LRRC37A2: variants seen among roughly 807,000 people sequenced by gnomAD.
LRRC37A2 encodes leucine rich repeat containing 37 member A2.
In LRRC37A2, 9 loss-of-function variants were observed where a neutral mutation model predicts 68.8. The ratio of observed to expected loss-of-function variants is 0.13; its 90% CI spans 0.08 to 0.23. The LOEUF (loss-of-function observed/expected upper bound fraction) is 0.23, where lower values mean the gene tolerates loss of function less well. LRRC37A2 is among the 10% of genes least tolerant of loss of function. The pLI is 1.00. For synonymous variants in LRRC37A2, 63 were observed against 367.6 expected (o/e 0.17, Z 9.48); for missense variants, 168 against 950.4 (o/e 0.18, Z 10.82).
chr17:47,002,757 C>G, the LRRC37A2 span, among the ~76,000 whole-genome samples: 1 of 151,900 alleles, frequency 6.6e-6, no homozygotes, highest in African/African-American at 2.4e-5. Flanking sequence ...CTCTCTAACA[C>G]TAGGTCTTAT....
At chr17:46,699,108 TATTGGTGTTATTTTGCTTC>T in the LRRC37A2 span, among the ~76,000 whole-genome samples, 1 of 55,452 alleles carries the variant, frequency 1.8e-5, no homozygotes, top group Non-Finnish European at 3.9e-5. Flanking sequence ...AAAAATCCAT[TATTGGTGTTATTTTGCTTC>T]CTTTTCAAAA....
At chr17:46,805,001 G>T in the LRRC37A2 span, among the ~76,000 whole-genome samples, 1 of 143,738 alleles carries the variant, frequency 7.0e-6, no homozygotes, top group African/African-American at 2.6e-5. Context: ...TTGCTCTTCA[G>T]GATAACTCTT....
the LRRC37A2 span, among the ~76,000 whole-genome samples, chr17:47,022,166 C>CTT: frequency 4.6e-3 from 73 of 15,848 alleles, 11 homozygotes; most frequent in East Asian, 0.017. Flanking sequence ...CCTTTTTGTT[C>CTT]TCTTTTTTTT....
chr17:46,785,946 G>A, the LRRC37A2 span, among the ~76,000 whole-genome samples: 2 of 152,230 alleles, frequency 1.3e-5, no homozygotes, highest in Non-Finnish European at 2.9e-5. Context: ...TGCGGCTCTG[G>A]CTGATCTGAT....
chr17:46,729,071 A>G, the LRRC37A2 span: 8 of 562,694 alleles, frequency 1.4e-5, no homozygotes, highest in Non-Finnish European at 2.1e-5. Flanking sequence ...AAGGTCGTCC[A>G]GTCTTGACTT....
At chr17:46,920,201 G>A in the LRRC37A2 span, among the ~76,000 whole-genome samples, 1 of 152,124 alleles carries the variant, frequency 6.6e-6, no homozygotes, top group South Asian at 2.1e-4. Flanking sequence ...ATTCTTGAAG[G>A]TCTTATTCAT....
At chr17:46,762,982 G>A in the LRRC37A2 span, 10 of 152,206 alleles carry the variant, frequency 6.6e-5, no homozygotes, top group Admixed American at 6.5e-4. Context: ...TTCAGTCTAA[G>A]GTGAGATGGG....
chr17:46,917,294 A>AG, the LRRC37A2 span: 1 of 152,240 alleles, frequency 6.6e-6, no homozygotes, highest in African/African-American at 2.4e-5. Context: ...AAAACAAGTT[A>AG]TCTTTTTCCA....
the LRRC37A2 span, chr17:46,872,399 G>A: frequency 7.4e-7 from 1 of 1,360,164 alleles, no homozygotes; most frequent in Non-Finnish European, 9.5e-7. Context: ...ACCTCCAGCG[G>A]GTCAGCCTGC....
chr17:46,760,776 C>T, the LRRC37A2 span, among the ~76,000 whole-genome samples: 34 of 152,106 alleles, frequency 2.2e-4, no homozygotes, highest in South Asian at 1.4e-3. Flanking sequence ...CAGGATGCCA[C>T]AAGTGGAAAA....
chr17:46,783,281 C>T, the LRRC37A2 span, among the ~76,000 whole-genome samples: 3 of 152,316 alleles, frequency 2.0e-5, no homozygotes, highest in South Asian at 6.2e-4. Flanking sequence ...TGATTTAGCC[C>T]CAGCTGTCAA....
the LRRC37A2 span, among the ~76,000 whole-genome samples, chr17:46,780,130 C>T: frequency 6.6e-6 from 1 of 152,340 alleles, no homozygotes; most frequent in African/African-American, 2.4e-5. Context: ...GACTTACGCA[C>T]CTAACATATG....
chr17:46,842,435 C>T, the LRRC37A2 span, among the ~76,000 whole-genome samples: 2 of 152,262 alleles, frequency 1.3e-5, no homozygotes, highest in East Asian at 1.9e-4. Context: ...AGTGCAGTGG[C>T]GCGATCACGG....
At chr17:47,022,141 A>G in the LRRC37A2 span, among the ~76,000 whole-genome samples, 6 of 129,874 alleles carry the variant, frequency 4.6e-5, no homozygotes, top group Admixed American at 1.7e-4. Context: ...CATACAAATA[A>G]TACATGGTTA....
At chr17:46,855,077 C>A in the LRRC37A2 span, among the ~76,000 whole-genome samples, 3 of 148,026 alleles carry the variant, frequency 2.0e-5, no homozygotes, top group African/African-American at 7.6e-5. Context: ...AAGGTTCAGT[C>A]AGTCACCCAG....
At chr17:46,527,866 T>C (rs1316853430) in intron 6 of LRRC37A2, among the ~76,000 whole-genome samples, 8 of 86,654 alleles carry the variant, frequency 9.2e-5, no homozygotes, top group African/African-American at 3.2e-4. Flanking sequence ...TTCTATTTTG[T>C]AGATGAGGAA....
At chr17:46,972,439 A>G in the LRRC37A2 span, among the ~76,000 whole-genome samples, 1 of 152,254 alleles carries the variant, frequency 6.6e-6, no homozygotes, top group African/African-American at 2.4e-5. Context: ...GATTCCCAGC[A>G]AAGGGTTGCA....
the LRRC37A2 span, chr17:46,941,898 C>A: frequency 1.0e-6 from 1 of 983,794 alleles, no homozygotes; most frequent in Non-Finnish European, 1.2e-6. Context: ...TAAGGTGATT[C>A]TGATGTGTGT....
intron 8 of LRRC37A2, among the ~76,000 whole-genome samples, chr17:46,543,854 T>A (rs1326047850): frequency 3.3e-5 from 5 of 150,274 alleles, no homozygotes; most frequent in Admixed American, 6.6e-5. Flanking sequence ...TTTGGGCTCA[T>A]GCCTGTAATC....
Sources: allele counts gnomAD v4.1 joint callset (sites outside exome capture counted in the v4.1 genomes callset), GRCh38; gene constraint gnomAD v4.1.1; transcripts MANE v1.5; gene names NCBI Gene and HGNC (gene_info 2026-07-23, HGNC 2026-07-21).